RBBP4: variants seen among roughly 807,000 people sequenced by gnomAD.
RBBP4 encodes RB binding protein 4, chromatin remodeling factor.
Under a neutral mutation model 57.2 loss-of-function variants are expected in RBBP4, and 3 were observed. The observed-to-expected ratio is 0.05, with a 90% CI of 0.02 to 0.14. The LOEUF (loss-of-function observed/expected upper bound fraction) is 0.14, where lower values mean the gene tolerates loss of function less well. RBBP4 is among the 10% of genes least tolerant of loss of function. The probability of loss-of-function intolerance (pLI) is 1.00; values close to 1 mark genes in which losing one functional copy is unlikely to be tolerated. For synonymous variants in RBBP4, 151 were observed against 171.5 expected (o/e 0.88, Z 0.93); for missense variants, 107 against 520.6 (o/e 0.21, Z 7.73).
intron 11 of RBBP4, 26 bp from the exon 12 acceptor site, chr1:32,679,614 A>T: frequency 6.4e-7 from 1 of 1,553,174 alleles, no homozygotes; most frequent in Non-Finnish European, 8.6e-7. Context: ...CTTCATGTTT[A>T]AATTCTTTTT....
At chr1:32,672,318 G>A (rs2148528934) in intron 8 of RBBP4, 132 bp from the exon 9 acceptor site, 2 of 715,044 alleles carry the variant, frequency 2.8e-6, no homozygotes, top group East Asian at 2.7e-5. Context: ...AATTTTAACT[G>A]TAACGTGTAT....
Position 32,672,772 on chromosome 1 carries a change from G to C in RBBP4, c.1102-19G>C. ...TCCTCTATCTGCATTTCACCTCTTT[G>C]TTTTCTTCCCTCTTTCAGTTTATTC... On this transcript the variant is annotated intron_variant, in intron 10 of 11. Transcript: ENST00000373493. The C allele has an allele frequency of 6.3e-7, 1 of 1,587,340 alleles. No homozygotes were observed. The highest frequency in any genetic ancestry group is 8.6e-7 in the Non-Finnish European group (1 of 1,162,432).
At chr1:32,660,110 GTTTA>G (rs1346882853) in intron 3 of RBBP4, among the ~76,000 whole-genome samples, 4 of 152,088 alleles carry the variant, frequency 2.6e-5, no homozygotes, top group Non-Finnish European at 5.9e-5. Context: ...TACATCTCCT[GTTTA>G]TTTATGTTTT....
Position 32,679,801 on chromosome 1 carries a change from A to G in RBBP4, c.*96A>G, listed in dbSNP as rs760630663. On this transcript the variant is annotated 3_prime_UTR_variant, in exon 12 of 12. Transcript: ENST00000373493. The stretch of plus-strand genomic sequence containing the variant: ...GTTTTGAGACAGACTTTATTCAGCT[A>G]TCCCTCTATATAATAGGTACCACCG... 11 of 1,547,794 alleles carry G rather than the reference A, an allele frequency of 7.1e-6. No homozygotes were observed. The African/African-American group carries it at 1.4e-4, about 19-fold the overall frequency.
At chr1:32,670,505 C>T (rs950163846) in intron 8 of RBBP4, among the ~76,000 whole-genome samples, 2 of 152,204 alleles carry the variant, frequency 1.3e-5, no homozygotes, top group Non-Finnish European at 2.9e-5. Flanking sequence ...AAGCTTGTTG[C>T]TACGGCACTA....
Position 32,684,260 on chromosome 1 carries a change from A to T in RBBP4, c.*4555A>T. 6.2e-7 allele frequency: 1 copy of T among 1,614,222 alleles called. No individual in the cohort carries two copies. Among genetic ancestry groups the T allele is most frequent in the South Asian group, 1.1e-5 (1 of 91,086 alleles). On this transcript the variant is annotated 3_prime_UTR_variant, in exon 12 of 12. Transcript: ENST00000373493. ...TTTGTATAGCAGCAGAAACTGACTT[A>T]TAAGTAGAGAGCTCTTCAGCAAGAC...
chr1:32,651,414 T>A, intron 1 of RBBP4, 92 bp downstream of exon 1: 1 of 1,382,948 alleles, frequency 7.2e-7, no homozygotes, highest in Non-Finnish European at 9.4e-7. Flanking sequence ...AGGCCCGAGT[T>A]TGCCGAGTGC....
At chr1:32,672,094 A>G (rs893333458) in intron 8 of RBBP4, among the ~76,000 whole-genome samples, 3 of 151,902 alleles carry the variant, frequency 2.0e-5, no homozygotes, top group Non-Finnish European at 4.4e-5. Context: ...GGTTCAAGCA[A>G]TCCTCCTGCC....
chr1:32,675,624 C>T (rs1174525278), intron 11 of RBBP4, among the ~76,000 whole-genome samples: 1 of 151,662 alleles, frequency 6.6e-6, no homozygotes, highest in African/African-American at 2.4e-5. Flanking sequence ...AAAAAATTAG[C>T]CGGGCGTGGT....
intron 8 of RBBP4, among the ~76,000 whole-genome samples, chr1:32,671,312 C>T (rs756206616): frequency 3.3e-5 from 5 of 152,142 alleles, no homozygotes; most frequent in African/African-American, 7.2e-5. Flanking sequence ...AGGCCGGGCA[C>T]GATGGCCCAT....
intron 3 of RBBP4, among the ~76,000 whole-genome samples, chr1:32,666,625 G>A (rs989517501): frequency 6.6e-6 from 1 of 152,172 alleles, no homozygotes; most frequent in African/African-American, 2.4e-5. Context: ...CCAAAGTGCT[G>A]GGATTACAGG....
chr1:32,652,208 C>A, intron 2 of RBBP4, 147 bp downstream of exon 2: 1 of 887,490 alleles, frequency 1.1e-6, no homozygotes, highest in South Asian at 2.0e-5. Context: ...CAAAGTAAGG[C>A]AAAATAACAA....
In RBBP4 at chr1:32,684,433, A is replaced by T. The variant is rs1649676507; in HGVS notation, c.*4728A>T. On this transcript the variant is annotated 3_prime_UTR_variant, in exon 12 of 12. Transcript: ENST00000373493. Reference sequence around the variant, plus strand: ...CTAATGAGCCAAACAATAAAAACTCACATTGTCCACTCTTACTTATAAAAC... The same window carrying T: ...CTAATGAGCCAAACAATAAAAACTCTCATTGTCCACTCTTACTTATAAAAC... 6.2e-7 allele frequency: 1 copy of T among 1,612,124 alleles called. No homozygotes were observed. The highest frequency in any genetic ancestry group is 1.3e-5 in the African/African-American group (1 of 74,806).
chr1:32,672,305 CTTAATT>C (rs1484627402), intron 8 of RBBP4, 139 bp from the exon 9 acceptor site: 2 of 685,550 alleles, frequency 2.9e-6, no homozygotes, highest in Non-Finnish European at 4.9e-6. Context: ...TTCTTTAGCT[CTTAATT>C]TTAACTGTAA....
intron 3 of RBBP4, among the ~76,000 whole-genome samples, chr1:32,659,805 G>A (rs1648320678): frequency 6.6e-6 from 1 of 152,162 alleles, no homozygotes; most frequent in Non-Finnish European, 1.5e-5. Flanking sequence ...TTTGATGGCT[G>A]TATAGTAGAC....
chr1:32,657,924 C>CAGT, intron 3 of RBBP4, among the ~76,000 whole-genome samples: 1 of 152,152 alleles, frequency 6.6e-6, no homozygotes, highest in South Asian at 2.1e-4. Context: ...ACGATCTTCT[C>CAGT]TCACTGCAAC....
Position 32,669,699 on chromosome 1 carries a change from G to C in RBBP4, c.966+136G>C, listed in dbSNP as rs919872443. Reference sequence around the variant, plus strand: ...AGGTCAGGAGATCGAGACCATCCTGGCTAACACGGTGAAACCCTGTCTCTA... The same window carrying C: ...AGGTCAGGAGATCGAGACCATCCTGCCTAACACGGTGAAACCCTGTCTCTA... On this transcript the variant is annotated intron_variant, in intron 8 of 11. Transcript: ENST00000373493. The surrounding 1 kb of genome is among the most constrained non-coding windows in gnomAD (Gnocchi z 4.9). The C allele has an allele frequency of 1.5e-6, 2 of 1,329,996 alleles. No individual in the cohort carries two copies. Among genetic ancestry groups the C allele is most frequent in the African/African-American group, 1.5e-5 (1 of 66,120 alleles). 82.4% of individuals were successfully genotyped at this position (1,329,996 alleles called of 1,614,324 possible). A position where few individuals can be genotyped will look rare whatever the true frequency, so the allele number is the denominator to read the frequency against.
chr1:32,666,220 A>G (rs1000935077), intron 3 of RBBP4, among the ~76,000 whole-genome samples: 1 of 152,210 alleles, frequency 6.6e-6, no homozygotes, highest in East Asian at 1.9e-4. Flanking sequence ...CAGAACATTC[A>G]TCCCAAGCTA....
intron 11 of RBBP4, among the ~76,000 whole-genome samples, chr1:32,679,330 G>T (rs1160206117): frequency 6.6e-6 from 1 of 152,182 alleles, no homozygotes; most frequent in African/African-American, 2.4e-5. Flanking sequence ...CCTGGTTAAA[G>T]AACTCAAGAA....
Sources: gnomAD v4.1 joint callset for allele counts (sites outside exome capture counted in the v4.1 genomes callset) on GRCh38, gnomAD v4.1.1 for gene constraint, Gnocchi (gnomAD v3.1) non-coding constraint, MANE v1.5 for transcripts, NCBI Gene and HGNC (gene_info 2026-07-23, HGNC 2026-07-21) for gene names.